Variants in RAB11FIP3 observed in about 807,000 individuals in gnomAD.
RAB11FIP3 encodes the protein rab11 family-interacting protein 3.
RAB11FIP3 carries 17 observed loss-of-function variants against 77.8 expected under a neutral mutation model. That is an observed-to-expected ratio of 0.22 (90% confidence interval 0.15 to 0.33). RAB11FIP3 has a LOEUF of 0.33. Among genes scored for constraint, RAB11FIP3 ranks in the 10% least tolerant of loss-of-function variants. The pLI, the probability that RAB11FIP3 is intolerant of heterozygous loss-of-function variation, is 1.00. For missense variants in RAB11FIP3, 1,005 were observed against 1,011.2 expected (o/e 0.99, Z 0.08); for synonymous variants, 437 against 448.2 (o/e 0.98, Z 0.31).
At chr16:455,965 T>A (rs755212285) in intron 1 of RAB11FIP3, among the ~76,000 whole-genome samples, 1 of 152,168 alleles carries the variant, frequency 6.6e-6, no homozygotes, top group Non-Finnish European at 1.5e-5. Flanking sequence ...TAAGAGTACT[T>A]CAGTTATCTC....
chr16:510,255 C>T (rs763981081), intron 8 of RAB11FIP3, among the ~76,000 whole-genome samples: 5 of 152,136 alleles, frequency 3.3e-5, no homozygotes, highest in Admixed American at 6.5e-5. Flanking sequence ...CCCGAGGCTC[C>T]GTGCCTCTGG....
At chr16:468,029 A>C (rs1383384857) in intron 2 of RAB11FIP3, among the ~76,000 whole-genome samples, 1 of 25,826 alleles carries the variant, frequency 3.9e-5, no homozygotes, top group African/African-American at 1.3e-4. Flanking sequence ...GGTGCAGGGA[A>C]GTCAGGGAGG....
rs2055831742 is a variant in RAB11FIP3 at position 472,757 on chromosome 16, C to T, written c.903+1368C>T. Among the ~76,000 whole-genome samples the T allele has an allele frequency of 6.6e-6, 1 of 152,188 alleles. No individual in the cohort carries two copies. Among genetic ancestry groups the T allele is most frequent in the Non-Finnish European group, 1.5e-5 (1 of 68,036 alleles). ...TGGTGCAGTGGCTGAAGAGTGGCCT[C>T]TCAAAAGATATGTCCACCCAGCAGC... is the stretch of plus-strand genomic sequence containing the variant. On this transcript the variant is annotated intron_variant, in intron 3 of 13. Coordinates refer to ENST00000262305, the MANE Select transcript of RAB11FIP3 (RefSeq NM_014700.4). This position sits in a 1 kb window ranked among gnomAD's most constrained non-coding sequence, Gnocchi z 4.1.
At position 506,101 on chromosome 16, in the gene RAB11FIP3, C is replaced by T. The variant is rs1418304702; in HGVS notation, c.1499+474C>T. Among the ~76,000 whole-genome samples the T allele has an allele frequency of 1.3e-5, 2 of 152,230 alleles. No homozygotes were observed. Among genetic ancestry groups the T allele is most frequent in the South Asian group, 2.1e-4 (1 of 4,834 alleles). ...GAGTACGCGACAGGACGCGCAGTCT[C>T]ATCGCTGTGGGCAGGAGTGCTGGGG... On this transcript the variant is annotated intron_variant, in intron 8 of 13. Transcript: ENST00000262305. The surrounding 1 kb of genome is among the most constrained non-coding windows in gnomAD (Gnocchi z 4.5).
intron 5 of RAB11FIP3, among the ~76,000 whole-genome samples, chr16:492,476 G>A (rs1472118935): frequency 2.8e-5 from 3 of 107,196 alleles, no homozygotes; most frequent in Admixed American, 1.9e-4. Context: ...ACCCGAGGCC[G>A]CCCAGGGCCC....
chr16:434,939 C>T (rs2055103943), intron 1 of RAB11FIP3, among the ~76,000 whole-genome samples: 1 of 152,130 alleles, frequency 6.6e-6, no homozygotes, highest in African/African-American at 2.4e-5. Flanking sequence ...GGCGCGGTGG[C>T]TCACGCCTGT....
chr16:443,776 G>C (rs574533940), intron 1 of RAB11FIP3, among the ~76,000 whole-genome samples: 2 of 152,320 alleles, frequency 1.3e-5, no homozygotes, highest in African/African-American at 2.4e-5. Flanking sequence ...ATGTTAGCCA[G>C]GATGATCTAG....
intron 1 of RAB11FIP3, among the ~76,000 whole-genome samples, chr16:441,331 G>A (rs1482981764): frequency 6.6e-6 from 1 of 152,066 alleles, no homozygotes; most frequent in Admixed American, 6.6e-5. Flanking sequence ...TCCCTAAGTC[G>A]TGCGTATCCA....
At chr16:501,910 G>A (rs1404812756) in intron 6 of RAB11FIP3, among the ~76,000 whole-genome samples, 1 of 151,108 alleles carries the variant, frequency 6.6e-6, no homozygotes, top group African/African-American at 2.4e-5. Context: ...AGGAGTCTGG[G>A]AGAGTGTCCC....
chr16:475,187 C>T, intron 3 of RAB11FIP3: 20 of 1,406,566 alleles, frequency 1.4e-5, no homozygotes, highest in Non-Finnish European at 1.8e-5. Flanking sequence ...GTGACGGGGA[C>T]AGTGTTGGCC....
At chr16:464,146 A>G (rs2055663747) in intron 2 of RAB11FIP3, among the ~76,000 whole-genome samples, 2 of 152,142 alleles carry the variant, frequency 1.3e-5, no homozygotes, top group South Asian at 4.1e-4. Context: ...AGCAATGGGC[A>G]GAGTGGGTGG....
At chr16:450,431 T>A (rs1445517352) in intron 1 of RAB11FIP3, among the ~76,000 whole-genome samples, 4 of 152,184 alleles carry the variant, frequency 2.6e-5, no homozygotes, top group Admixed American at 2.6e-4. Flanking sequence ...AGTGATCCCC[T>A]GGCCTCCAAA....
chr16:470,268 G>T (rs2055785890), intron 2 of RAB11FIP3, among the ~76,000 whole-genome samples: 1 of 152,076 alleles, frequency 6.6e-6, no homozygotes. Flanking sequence ...AAAGTGCTGG[G>T]ATTACGAGTG....
rs1567392335 is a variant in RAB11FIP3, at chr16:492,455, T to TCCCGGGAGACCCGAGGCCGCCCAGGGCCC, written c.1265+3455_1265+3456insCCCGGGAGACCCGAGGCCGCCCAGGGCCC. On this transcript the variant is annotated intron_variant, in intron 5 of 13. Coordinates refer to ENST00000262305, the MANE Select transcript of RAB11FIP3 (RefSeq NM_014700.4). Reference sequence around the variant, plus strand: ...GGAGACCCGAGGCCGCCCAGGGCCCTTCCCGGGGAGACCCGAGGCCGCCCA... The same window carrying TCCCGGGAGACCCGAGGCCGCCCAGGGCCC: ...GGAGACCCGAGGCCGCCCAGGGCCCTCCCGGGAGACCCGAGGCCGCCCAGGGCCCTCCCGGGGAGACCCGAGGCCGCCCA... 2.3e-3 allele frequency among the ~76,000 whole-genome samples: 110 copies of TCCCGGGAGACCCGAGGCCGCCCAGGGCCC among 48,144 alleles called. 18 individuals carry two copies. Among genetic ancestry groups the TCCCGGGAGACCCGAGGCCGCCCAGGGCCC allele is most frequent in the Admixed American group, 3.3e-3 (19 of 5,762 alleles). 31.6% of individuals were successfully genotyped at this position (48,144 alleles called of 152,430 possible).
intron 4 of RAB11FIP3, among the ~76,000 whole-genome samples, chr16:485,444 G>A (rs1490724957): frequency 6.6e-6 from 1 of 152,150 alleles, no homozygotes; most frequent in East Asian, 1.9e-4. Flanking sequence ...ATGGAGTCTA[G>A]CTCTGTCGCC....
intron 5 of RAB11FIP3, chr16:491,010 T>G (rs1268844286): frequency 3.0e-5 from 27 of 887,444 alleles, no homozygotes; most frequent in Non-Finnish European, 3.8e-5. Flanking sequence ...CACAGCTCAT[T>G]CTCTCTCCAC....
rs1452761868 is a variant in RAB11FIP3 at position 521,659 on chromosome 16, C to T, written c.*820C>T. 6.6e-6 allele frequency: 1 copy of T among 152,382 alleles called. No individual in the cohort carries two copies. 9.4% of individuals were successfully genotyped at this position (152,382 alleles called of 1,614,324 possible). On this transcript the variant is annotated 3_prime_UTR_variant, in exon 14 of 14. Coordinates refer to ENST00000262305, the MANE Select transcript of RAB11FIP3 (RefSeq NM_014700.4). ...AGATGACCGCTGTGTGGCGCTCTCT[C>T]CCTGGGCAGGGTGGATGCCACAGGC...
In RAB11FIP3 at chr16:492,413, GCCCAGGGCCC is replaced by G. The variant is rs1567392105; in HGVS notation, c.1265+3414_1265+3423del. 9.7e-4 allele frequency among the ~76,000 whole-genome samples: 139 copies of G among 142,976 alleles called. 6 individuals carry two copies. The highest frequency in any genetic ancestry group is 3.1e-3 in the African/African-American group (120 of 38,450). The allele number at this position is 142,976 out of a possible 152,430, so 93.8% of individuals were successfully genotyped here. A position where few individuals can be genotyped will look rare whatever the true frequency, so the allele number is the denominator to read the frequency against. On this transcript the variant is annotated intron_variant, in intron 5 of 13. Coordinates refer to ENST00000262305, the MANE Select transcript of RAB11FIP3 (RefSeq NM_014700.4). ...AGCCCTCCCCGGGAGACCCGAGGCCGCCCAGGGCCCTCCCCGGGAGACCCGAGGCCGCCCA... is the reference window on the plus strand; with the variant it reads ...AGCCCTCCCCGGGAGACCCGAGGCCGTCCCCGGGAGACCCGAGGCCGCCCA...
At chr16:447,927 A>G (rs760753078) in intron 1 of RAB11FIP3, among the ~76,000 whole-genome samples, 28 of 152,208 alleles carry the variant, frequency 1.8e-4, no homozygotes, top group Non-Finnish European at 3.5e-4. Flanking sequence ...CGGGCCAGGC[A>G]CAATGAATTG....
Sources: gnomAD v4.1 joint callset for allele counts (sites outside exome capture counted in the v4.1 genomes callset) on GRCh38, gnomAD v4.1.1 for gene constraint, Gnocchi (gnomAD v3.1) non-coding constraint, MANE v1.5 for transcripts, NCBI Gene and HGNC (gene_info 2026-07-23, HGNC 2026-07-21) for gene names.